Variants in FRMPD4 observed in about 807,000 individuals in gnomAD.
The protein encoded by FRMPD4 is FERM and PDZ domain containing 4.
Under a neutral mutation model 94.1 loss-of-function variants are expected in FRMPD4, and 22 were observed. The observed-to-expected ratio is 0.23, with a 90% CI of 0.17 to 0.33. The LOEUF (loss-of-function observed/expected upper bound fraction) is 0.33, where lower values mean the gene tolerates loss of function less well. Ranked by LOEUF, FRMPD4 falls within the 10% of genes least tolerant of loss-of-function variation. The probability of loss-of-function intolerance (pLI) is 1.00; values close to 1 mark genes in which losing one functional copy is unlikely to be tolerated. For missense variants in FRMPD4, 1,111 were observed against 1,339.9 expected, an observed-to-expected ratio of 0.83 and a Z score of 2.67; for synonymous variants, 631 against 548.6, an observed-to-expected ratio of 1.15 and a Z score of -2.10.
rs772534172 is a variant in FRMPD4 at position 12,125,606 on chromosome X, G to C, written c.95+247588G>C. On this transcript the variant is annotated intron_variant, in intron 3 of 18. Transcript: ENST00000640291. ...CATTGGGGTCAGGTGGGTAGAGGCT[G>C]TCTTTCCCAGCTATGTTCTGGAAGG... Among the ~76,000 whole-genome samples, 6 of 110,661 alleles carry C rather than the reference G, an allele frequency of 5.4e-5. No homozygotes were observed. The South Asian group carries it at 2.4e-3, about 44-fold the overall frequency.
intron 1 of FRMPD4, among the ~76,000 whole-genome samples, chrX:12,254,766 G>A (rs919839875): frequency 1.8e-5 from 2 of 111,801 alleles, no homozygotes; most frequent in Non-Finnish European, 3.8e-5. Flanking sequence ...TAACACTGTA[G>A]CAGTAGTTTT....
chrX:12,274,074 T>C (rs754293411), intron 1 of FRMPD4, among the ~76,000 whole-genome samples: 17 of 111,531 alleles, frequency 1.5e-4, no homozygotes, highest in Non-Finnish European at 3.0e-4. Flanking sequence ...CTACGAAGAA[T>C]GTAAAATGTG....
At chrX:12,335,599 C>T (rs185226951) in intron 1 of FRMPD4, among the ~76,000 whole-genome samples, 1 of 111,689 alleles carries the variant, frequency 9.0e-6, no homozygotes, top group East Asian at 2.8e-4. Context: ...GGCCATTTCT[C>T]TCCCCACTGA....
At chrX:11,886,951 C>A (rs2053848856) in intron 3 of FRMPD4, among the ~76,000 whole-genome samples, 1 of 110,428 alleles carries the variant, frequency 9.1e-6, no homozygotes, top group South Asian at 4.0e-4. Context: ...TGTTCCTCCC[C>A]ACCACTCTTC....
intron 3 of FRMPD4, among the ~76,000 whole-genome samples, chrX:11,917,367 T>A (rs959128727): frequency 3.6e-5 from 4 of 112,290 alleles, no homozygotes; most frequent in African/African-American, 1.3e-4. Context: ...AACTTCCATG[T>A]GACCCAGCAA....
intron 4 of FRMPD4, among the ~76,000 whole-genome samples, chrX:12,668,769 T>C (rs1473045388): frequency 9.1e-6 from 1 of 109,888 alleles, no homozygotes; most frequent in African/African-American, 3.3e-5. Flanking sequence ...CATGCCCGGC[T>C]AATTTTTGTA....
At chrX:12,216,294 C>T (rs751983081) in intron 1 of FRMPD4, among the ~76,000 whole-genome samples, 8 of 111,566 alleles carry the variant, frequency 7.2e-5, no homozygotes, top group Non-Finnish European at 1.3e-4. Flanking sequence ...GGGTGGACTT[C>T]GCACATGCTC....
At chrX:12,131,761 T>A (rs1412604072) in intron 3 of FRMPD4, among the ~76,000 whole-genome samples, 1 of 112,149 alleles carries the variant, frequency 8.9e-6, no homozygotes, top group Non-Finnish European at 1.9e-5. Context: ...ATAATCCTCA[T>A]ATTTAGTAAG....
intron 1 of FRMPD4, among the ~76,000 whole-genome samples, chrX:12,225,998 C>T (rs139530128): frequency 1.4e-4 from 16 of 111,949 alleles, no homozygotes; most frequent in South Asian, 7.6e-4. Flanking sequence ...GACTGGCATG[C>T]GCATAAAATG....
chrX:12,633,469 G>A (rs1178703343), intron 4 of FRMPD4, among the ~76,000 whole-genome samples: 2 of 111,846 alleles, frequency 1.8e-5, no homozygotes, highest in Non-Finnish European at 3.8e-5. Context: ...CGAGAGCTGA[G>A]TAGCATCCCC....
chrX:12,109,899 A>C (rs1160757745), intron 3 of FRMPD4, among the ~76,000 whole-genome samples: 2 of 112,018 alleles, frequency 1.8e-5, no homozygotes, highest in Non-Finnish European at 3.8e-5. Flanking sequence ...ATTGACCAAT[A>C]ACAGGCTCTG....
intron 9 of FRMPD4, among the ~76,000 whole-genome samples, chrX:12,695,215 C>G (rs745378610): frequency 1.8e-5 from 2 of 111,355 alleles, no homozygotes; most frequent in Non-Finnish European, 3.8e-5. Context: ...GGAAGAACAA[C>G]GCGAGTGACT....
chrX:12,569,520 T>C (rs1200871685), intron 2 of FRMPD4, among the ~76,000 whole-genome samples: 1 of 108,102 alleles, frequency 9.3e-6, no homozygotes, highest in Non-Finnish European at 1.9e-5. Flanking sequence ...CAATATTTTT[T>C]ACCCACTATT....
intron 1 of FRMPD4, among the ~76,000 whole-genome samples, chrX:12,480,248 A>C (rs984132482): frequency 2.0e-5 from 2 of 101,481 alleles, no homozygotes; most frequent in Non-Finnish European, 4.0e-5. Flanking sequence ...AACCTTTGAG[A>C]GTTAAAATGC....
intron 3 of FRMPD4, among the ~76,000 whole-genome samples, chrX:11,927,924 A>T (rs5935192): frequency 4.5e-5 from 5 of 111,004 alleles, no homozygotes; most frequent in East Asian, 2.9e-4. Context: ...TAAACTAAAG[A>T]GCTTCTGCAC....
intron 1 of FRMPD4, among the ~76,000 whole-genome samples, chrX:11,856,471 A>G (rs2053654392): frequency 8.9e-6 from 1 of 112,022 alleles, no homozygotes; most frequent in African/African-American, 3.3e-5. Context: ...TTATCTCAAT[A>G]GATACAGAAA....
At chrX:12,485,246 T>C (rs1447300746) in intron 1 of FRMPD4, among the ~76,000 whole-genome samples, 1 of 112,619 alleles carries the variant, frequency 8.9e-6, no homozygotes, top group East Asian at 2.8e-4. Flanking sequence ...ATTTGCAATC[T>C]AGTTTATTCT....
chrX:11,871,800 G>C (rs911745964), intron 2 of FRMPD4, among the ~76,000 whole-genome samples: 1 of 111,793 alleles, frequency 8.9e-6, no homozygotes, highest in Non-Finnish European at 1.9e-5. Context: ...GATGGGTGTA[G>C]GCTTGTGAAT....
At chrX:12,173,658 G>A (rs1804966830) in intron 1 of FRMPD4, among the ~76,000 whole-genome samples, 1 of 111,516 alleles carries the variant, frequency 9.0e-6, no homozygotes, top group African/African-American at 3.3e-5. Context: ...GATCATTTAG[G>A]AATTCTGAGG....
Sources: gnomAD v4.1 joint callset for allele counts (sites outside exome capture counted in the v4.1 genomes callset) on GRCh38, gnomAD v4.1.1 for gene constraint, MANE v1.5 for transcripts, NCBI Gene and HGNC (gene_info 2026-07-23, HGNC 2026-07-21) for gene names.